Variants in ASIC2 observed in about 807,000 individuals in gnomAD.
ASIC2 encodes acid sensing ion channel subunit 2.
In ASIC2, 25 loss-of-function variants were observed where a neutral mutation model predicts 57.3. That is an observed-to-expected ratio of 0.44 (90% CI 0.32 to 0.61). The LOEUF (loss-of-function observed/expected upper bound fraction) is 0.61, where lower values mean the gene tolerates loss of function less well. Among genes scored for constraint, ASIC2 ranks in the 20% least tolerant of loss-of-function variants. ASIC2 has a pLI of 0.06. For missense variants in ASIC2, 641 were observed against 738.1 expected, an observed-to-expected ratio of 0.87 and a Z score of 1.52; for synonymous variants, 319 against 307.5, an observed-to-expected ratio of 1.04 and a Z score of -0.39.
At chr17:33,320,999 C>T (rs1286187174) in intron 1 of ASIC2, among the ~76,000 whole-genome samples, 1 of 152,218 alleles carries the variant, frequency 6.6e-6, no homozygotes, top group East Asian at 1.9e-4. Context: ...CATCACTTTT[C>T]AGTCTGTGGC....
chr17:33,031,938 C>T (rs1025748389), intron 3 of ASIC2, among the ~76,000 whole-genome samples: 1 of 152,162 alleles, frequency 6.6e-6, no homozygotes, highest in Non-Finnish European at 1.5e-5. Context: ...CTTTTTCCAT[C>T]TACTATTTTG....
At chr17:33,128,095 A>C (rs1418886408) in intron 1 of ASIC2, among the ~76,000 whole-genome samples, 2 of 152,154 alleles carry the variant, frequency 1.3e-5, no homozygotes, top group African/African-American at 2.4e-5. Context: ...CTCATACTTC[A>C]TACTCCAGCT....
chr17:33,839,423 A>T (rs1003950953), intron 1 of ASIC2, among the ~76,000 whole-genome samples: 1 of 152,250 alleles, frequency 6.6e-6, no homozygotes, highest in Non-Finnish European at 1.5e-5. Context: ...TGCATTAATT[A>T]ATTCAAGCAA....
At chr17:33,089,974 CCAAA>C (rs1162809522) in intron 2 of ASIC2, among the ~76,000 whole-genome samples, 3 of 152,176 alleles carry the variant, frequency 2.0e-5, no homozygotes, top group Non-Finnish European at 2.9e-5. Flanking sequence ...CTTGTCTTCT[CCAAA>C]CAGTCTACAG....
intron 1 of ASIC2, among the ~76,000 whole-genome samples, chr17:33,490,473 T>C (rs549372742): frequency 6.6e-6 from 1 of 152,340 alleles, no homozygotes; most frequent in African/African-American, 2.4e-5. Flanking sequence ...TAATGGTCAC[T>C]ACCTGTCAAG....
chr17:33,674,136 G>A (rs770571230), intron 1 of ASIC2, among the ~76,000 whole-genome samples: 48 of 151,986 alleles, frequency 3.2e-4, no homozygotes, highest in Admixed American at 1.2e-3. Flanking sequence ...TTCGTGATCC[G>A]CCCACCTCGG....
At chr17:33,599,127 A>T (rs575893757) in intron 1 of ASIC2, among the ~76,000 whole-genome samples, 173 of 152,344 alleles carry the variant, frequency 1.1e-3, no homozygotes, top group Admixed American at 2.2e-3. Context: ...CAGGGTTGTG[A>T]AGAGGGTCAG....
In ASIC2 at chr17:34,073,416, C is replaced by T. The variant is rs139982461; in HGVS notation, c.555+82562G>A. ...CCCAAAGTAGAGATAGGTTTTGTTACGACCTTATCAGAGGGAGAAGGACTG... is the reference window on the plus strand; with the variant it reads ...CCCAAAGTAGAGATAGGTTTTGTTATGACCTTATCAGAGGGAGAAGGACTG... On this transcript the variant is annotated intron_variant, in intron 1 of 9. Coordinates refer to the ASIC2 transcript ENST00000359872. Among the ~76,000 whole-genome samples the T allele has an allele frequency of 1.3e-3, 202 of 152,254 alleles. 1 individual carries two copies. Among genetic ancestry groups the T allele is most frequent in the African/African-American group, 4.4e-3 (181 of 41,556 alleles).
intron 1 of ASIC2, among the ~76,000 whole-genome samples, chr17:33,645,354 G>A (rs1906707470): frequency 1.3e-5 from 2 of 152,088 alleles, no homozygotes; most frequent in Non-Finnish European, 2.9e-5. Context: ...AAGGGCTTTG[G>A]TTTCATTTAA....
intron 1 of ASIC2, among the ~76,000 whole-genome samples, chr17:33,456,524 T>C (rs1208240017): frequency 1.3e-5 from 2 of 152,242 alleles, no homozygotes; most frequent in Non-Finnish European, 2.9e-5. Context: ...TGACTACTGA[T>C]ACATCTTTCT....
chr17:33,167,685 G>A (rs968782364), intron 1 of ASIC2, among the ~76,000 whole-genome samples: 1 of 152,088 alleles, frequency 6.6e-6, no homozygotes, highest in African/African-American at 2.4e-5. Flanking sequence ...ACCCAATAGT[G>A]CGACAGGCTG....
At chr17:33,247,188 G>A (rs1329309853) in intron 1 of ASIC2, among the ~76,000 whole-genome samples, 1 of 152,172 alleles carries the variant, frequency 6.6e-6, no homozygotes, top group Non-Finnish European at 1.5e-5. Flanking sequence ...GAGTACATGG[G>A]GTGGGTGTTC....
chr17:33,726,891 T>G (rs546528909), intron 1 of ASIC2, among the ~76,000 whole-genome samples: 39 of 152,244 alleles, frequency 2.6e-4, no homozygotes, highest in Non-Finnish European at 5.3e-4. Context: ...TACTTGGTCT[T>G]GCAGCCATCC....
intron 1 of ASIC2, among the ~76,000 whole-genome samples, chr17:33,631,013 A>G (rs1906148785): frequency 1.3e-5 from 2 of 152,240 alleles, no homozygotes; most frequent in South Asian, 4.1e-4. Context: ...AAAAGTGTGG[A>G]TAAAATGTGA....
chr17:33,202,612 A>G (rs1282349086), intron 1 of ASIC2, among the ~76,000 whole-genome samples: 1 of 152,236 alleles, frequency 6.6e-6, no homozygotes. Flanking sequence ...AAAGCAAAGT[A>G]TGCACCCAGA....
At chr17:33,745,281 T>C (rs948424669) in intron 1 of ASIC2, among the ~76,000 whole-genome samples, 5 of 152,126 alleles carry the variant, frequency 3.3e-5, no homozygotes, top group African/African-American at 1.2e-4. Flanking sequence ...AAACAGCTGA[T>C]GTGGTTTAAG....
chr17:33,039,284 G>A (rs1159946512), intron 3 of ASIC2, among the ~76,000 whole-genome samples: 1 of 152,178 alleles, frequency 6.6e-6, no homozygotes, highest in Admixed American at 6.5e-5. Flanking sequence ...TTAGGCTTGG[G>A]GGTATCCCTG....
chr17:33,780,185 G>C lies in ASIC2; in HGVS notation c.555+375793C>G, dbSNP rs570329290. 2.0e-5 allele frequency among the ~76,000 whole-genome samples: 3 copies of C among 152,042 alleles called. No individual in the cohort carries two copies. In the South Asian group the frequency reaches 6.2e-4, roughly 32 times the overall value. Reference sequence around the variant, plus strand: ...GGGGTTTTGCTATGTTGCCCAGGCTGGTCTTGAACTCCTGACCTCAAGTGA... The same window carrying C: ...GGGGTTTTGCTATGTTGCCCAGGCTCGTCTTGAACTCCTGACCTCAAGTGA... On this transcript the variant is annotated intron_variant, in intron 1 of 9. Coordinates refer to the ASIC2 transcript ENST00000359872.
intron 1 of ASIC2, among the ~76,000 whole-genome samples, chr17:33,624,929 A>G (rs1020115922): frequency 1.3e-5 from 2 of 152,194 alleles, no homozygotes; most frequent in Admixed American, 6.5e-5. Context: ...ATTTAACTAA[A>G]TACCTATCTT....
Sources: gnomAD v4.1 joint callset for allele counts (sites outside exome capture counted in the v4.1 genomes callset) on GRCh38, gnomAD v4.1.1 for gene constraint, MANE v1.5 for transcripts, NCBI Gene and HGNC (gene_info 2026-07-23, HGNC 2026-07-21) for gene names.